The following VPS13B variants were observed in gnomAD, a reference collection of about 807,000 sequenced individuals.
VPS13B encodes the protein intermembrane lipid transfer protein VPS13B.
In VPS13B, 285 loss-of-function variants were observed where a neutral mutation model predicts 426.4. That is an observed-to-expected ratio of 0.67 (90% CI 0.61 to 0.74). The LOEUF is 0.74. Ranked by LOEUF, VPS13B falls within the 30% of genes least tolerant of loss-of-function variation. The pLI, the probability that VPS13B is intolerant of heterozygous loss-of-function variation, is 0.00. For missense variants in VPS13B, 4,537 were observed against 4,782.6 expected, an observed-to-expected ratio of 0.95 and a Z score of 1.51; for synonymous variants, 1,676 against 1,676.4, an observed-to-expected ratio of 1.00 and a Z score of 0.01.
At chr8:99,633,074 A>G (rs1044417109) in intron 33 of VPS13B, among the ~76,000 whole-genome samples, 5 of 152,042 alleles carry the variant, frequency 3.3e-5, no homozygotes, top group African/African-American at 1.2e-4. Flanking sequence ...CACTTTCTCA[A>G]CTTGTACTGA....
At chr8:99,058,876 T>C (rs929511897) in intron 3 of VPS13B, among the ~76,000 whole-genome samples, 5 of 152,180 alleles carry the variant, frequency 3.3e-5, no homozygotes, top group Non-Finnish European at 5.9e-5. Flanking sequence ...TTGATTTAGA[T>C]TCTTTTCAGA....
At chr8:99,875,366 T>C in intron 61 of VPS13B, 52 bp from the exon 62 acceptor site, 2 of 1,613,342 alleles carry the variant, frequency 1.2e-6, no homozygotes, top group Non-Finnish European at 8.5e-7. Context: ...AATTTTGTTC[T>C]GGAACTCTCG....
intron 22 of VPS13B, among the ~76,000 whole-genome samples, chr8:99,438,950 ACTAT>A (rs1427654301): frequency 4.6e-5 from 7 of 152,154 alleles, no homozygotes; most frequent in South Asian, 2.1e-4. Context: ...TTGTTTGTTG[ACTAT>A]CTTTCTTTAG....
At chr8:99,235,893 G>A (rs1224157809) in intron 17 of VPS13B, among the ~76,000 whole-genome samples, 1 of 152,126 alleles carries the variant, frequency 6.6e-6, no homozygotes, top group Non-Finnish European at 1.5e-5. Flanking sequence ...GAAAACAATG[G>A]TAACCACTTA....
In VPS13B at chr8:99,018,804, A is replaced by G. The variant is rs566029662; in HGVS notation, c.147+4869A>G. On this transcript the variant is annotated intron_variant, in intron 2 of 61. Coordinates refer to ENST00000357162, the MANE Select transcript of VPS13B (RefSeq NM_152564.5). ...ATGAGTTTTAAAAAATCATAAATGA[A>G]TGCTGAATTTGATCAAATATTACAC... 2.6e-5 allele frequency among the ~76,000 whole-genome samples: 4 copies of G among 152,296 alleles called. No homozygotes were observed. The South Asian group carries it at 8.3e-4, about 32-fold the overall frequency.
chr8:99,497,117 A>C (rs1820932717), intron 25 of VPS13B, among the ~76,000 whole-genome samples: 1 of 142,200 alleles, frequency 7.0e-6, no homozygotes, highest in African/African-American at 2.6e-5. Context: ...ATAAAAATAT[A>C]TTTATATATT....
At chr8:99,330,250 T>C (rs539233015) in intron 19 of VPS13B, among the ~76,000 whole-genome samples, 1 of 151,996 alleles carries the variant, frequency 6.6e-6, no homozygotes, top group East Asian at 1.9e-4. Flanking sequence ...TTTGATCATA[T>C]ATATAATATT....
intron 33 of VPS13B, among the ~76,000 whole-genome samples, chr8:99,640,096 G>C (rs950317518): frequency 6.9e-6 from 1 of 145,860 alleles, no homozygotes; most frequent in South Asian, 2.2e-4. Context: ...GAAAAGAAAA[G>C]AAAAGAAAAG....
At chr8:99,772,022 G>C (rs1261532316) in intron 40 of VPS13B, among the ~76,000 whole-genome samples, 4 of 152,174 alleles carry the variant, frequency 2.6e-5, no homozygotes, top group Non-Finnish European at 5.9e-5. Context: ...TTTTCTTTTA[G>C]GTGGTGATTG....
At chr8:99,779,502 G>A (rs1484754200) in intron 42 of VPS13B, among the ~76,000 whole-genome samples, 2 of 152,096 alleles carry the variant, frequency 1.3e-5, no homozygotes, top group East Asian at 1.9e-4. Flanking sequence ...TACAGTCTTA[G>A]TTTTTTCCTC....
intron 8 of VPS13B, among the ~76,000 whole-genome samples, chr8:99,124,050 T>C (rs1019873748): frequency 4.6e-5 from 7 of 152,076 alleles, no homozygotes; most frequent in African/African-American, 1.7e-4. Flanking sequence ...AGAGCCAAGC[T>C]CTGAGGCACT....
At chr8:99,251,671 G>T (rs1195482874) in intron 17 of VPS13B, among the ~76,000 whole-genome samples, 1 of 152,030 alleles carries the variant, frequency 6.6e-6, no homozygotes, top group Admixed American at 6.6e-5. Context: ...TGGTATCAGG[G>T]TGATTCTAGC....
rs886062556 is a variant in VPS13B, at chr8:99,876,406, G to A, written c.*740G>A. 1 of 152,238 alleles carries A rather than the reference G, an allele frequency of 6.6e-6. No homozygotes were observed. The allele number at this position is 152,238 out of a possible 1,614,324, so 9.4% of individuals were successfully genotyped here. A position where few individuals can be genotyped will look rare whatever the true frequency, so the allele number is the denominator to read the frequency against. ...ACTGTCCAGGTACATTTTAGAAAAA[G>A]TGTTCTTCTTCCAGTTTGTTTTACT... is the stretch of plus-strand genomic sequence containing the variant. On this transcript the variant is annotated 3_prime_UTR_variant, in exon 62 of 62. Transcript: ENST00000357162.
At chr8:99,875,374 T>C in intron 61 of VPS13B, 44 bp from the exon 62 acceptor site, 2 of 1,613,446 alleles carry the variant, frequency 1.2e-6, no homozygotes, top group Non-Finnish European at 1.7e-6. Flanking sequence ...TCTGGAACTC[T>C]CGTAAGGGTC....
intron 19 of VPS13B, among the ~76,000 whole-genome samples, chr8:99,300,635 T>C (rs200492920): frequency 6.6e-6 from 1 of 152,188 alleles, no homozygotes; most frequent in East Asian, 1.9e-4. Flanking sequence ...AAGGAGGTTT[T>C]CTGGGAGATA....
intron 19 of VPS13B, among the ~76,000 whole-genome samples, chr8:99,353,021 A>T (rs1214123090): frequency 6.6e-6 from 1 of 151,824 alleles, no homozygotes; most frequent in Non-Finnish European, 1.5e-5. Flanking sequence ...CTCGCTCCAG[A>T]CCCAGGCTGG....
intron 5 of VPS13B, among the ~76,000 whole-genome samples, chr8:99,104,147 G>A (rs1563542156): frequency 6.6e-6 from 1 of 152,102 alleles, no homozygotes; most frequent in African/African-American, 2.4e-5. Context: ...CAGGTATATG[G>A]TATTGGCTAT....
At chr8:99,304,380 G>A (rs2133080435) in intron 19 of VPS13B, among the ~76,000 whole-genome samples, 1 of 151,948 alleles carries the variant, frequency 6.6e-6, no homozygotes, top group South Asian at 2.1e-4. Context: ...ATTGGCAGAT[G>A]TGATTGCTTT....
At chr8:99,619,347 G>C (rs1828252359) in intron 33 of VPS13B, among the ~76,000 whole-genome samples, 1 of 152,174 alleles carries the variant, frequency 6.6e-6, no homozygotes, top group African/African-American at 2.4e-5. Flanking sequence ...TGAAAAATTA[G>C]ATTTCTCTTA....
Sources: allele counts gnomAD v4.1 joint callset (sites outside exome capture counted in the v4.1 genomes callset), GRCh38; gene constraint gnomAD v4.1.1; transcripts MANE v1.5; gene names NCBI Gene and HGNC (gene_info 2026-07-23, HGNC 2026-07-21).